Variants in PKNOX2 observed in about 807,000 individuals in gnomAD.
PKNOX2 encodes the protein PBX/knotted 1 homeobox 2.
PKNOX2 carries 14 observed loss-of-function variants against 53.1 expected under a neutral mutation model. The observed-to-expected ratio is 0.26, with a 90% CI of 0.17 to 0.41. The LOEUF is 0.41. Among genes scored for constraint, PKNOX2 ranks in the 10% least tolerant of loss-of-function variants. The probability of loss-of-function intolerance (pLI) is 1.00; values close to 1 mark genes in which losing one functional copy is unlikely to be tolerated. For synonymous variants in PKNOX2, 257 were observed against 242.8 expected (o/e 1.06, Z -0.54); for missense variants, 496 against 602.8 (o/e 0.82, Z 1.85).
intron 2 of PKNOX2, among the ~76,000 whole-genome samples, chr11:125,242,196 G>A (rs1943206884): frequency 1.3e-5 from 2 of 152,188 alleles, no homozygotes; most frequent in Admixed American, 6.5e-5. Context: ...ATGTGAGGTG[G>A]GTACTATTTT....
intron 5 of PKNOX2, among the ~76,000 whole-genome samples, chr11:125,383,284 T>C (rs1392597381): frequency 6.6e-6 from 1 of 152,070 alleles, no homozygotes; most frequent in Non-Finnish European, 1.5e-5. Flanking sequence ...CACGGTGTGC[T>C]GGAGGGGAGA....
intron 6 of PKNOX2, among the ~76,000 whole-genome samples, chr11:125,387,035 C>T (rs546456728): frequency 2.0e-5 from 3 of 152,316 alleles, no homozygotes; most frequent in East Asian, 3.9e-4. Context: ...GCATCCGTTT[C>T]CCTGGCTGGG....
intron 1 of PKNOX2, among the ~76,000 whole-genome samples, chr11:125,214,301 G>C (rs986553789): frequency 6.6e-6 from 1 of 151,946 alleles, no homozygotes; most frequent in Non-Finnish European, 1.5e-5. Context: ...TTCCCAGTTT[G>C]TTCCTCAGAG....
chr11:125,348,726 A>G (rs1251311543), intron 3 of PKNOX2, among the ~76,000 whole-genome samples: 1 of 152,214 alleles, frequency 6.6e-6, no homozygotes, highest in African/African-American at 2.4e-5. Context: ...TGGACAGTGA[A>G]CAAAAGAATG....
intron 6 of PKNOX2, among the ~76,000 whole-genome samples, chr11:125,396,322 G>GT (rs149315152): frequency 1.2e-3 from 177 of 150,956 alleles, no homozygotes; most frequent in African/African-American, 2.9e-3. Context: ...ATTTTTTCCT[G>GT]TTTTTTTTTA....
intron 2 of PKNOX2, among the ~76,000 whole-genome samples, chr11:125,288,924 T>G (rs1428695428): frequency 6.6e-6 from 1 of 152,252 alleles, no homozygotes; most frequent in African/African-American, 2.4e-5. Flanking sequence ...ACACGCTCTA[T>G]CAGATTCATT....
rs751435911 is a variant in PKNOX2, at chr11:125,425,871, C to T, written c.937-3141C>T. 2.6e-5 allele frequency among the ~76,000 whole-genome samples: 4 copies of T among 151,700 alleles called. No individual in the cohort carries two copies. The South Asian group carries it at 6.3e-4, about 24-fold the overall frequency. On this transcript the variant is annotated intron_variant, in intron 10 of 12. Transcript: ENST00000298282. Reference sequence around the variant, plus strand: ...CACACCTGTCCCCAGAGCTGCTAAACGCTGCTACTTACCCCACAGCCCCAC... The same window carrying T: ...CACACCTGTCCCCAGAGCTGCTAAATGCTGCTACTTACCCCACAGCCCCAC...
rs558187922 is a variant in PKNOX2 at position 125,335,490 on chromosome 11, A to C, written c.-23+3565A>C. Among the ~76,000 whole-genome samples the C allele has an allele frequency of 1.1e-3, 169 of 150,246 alleles. 1 individual carries two copies. The highest frequency in any genetic ancestry group is 3.3e-3 in the African/African-American group (134 of 40,836). ...GACATCCTGTAGTCCTTGGATTCTC[A>C]CTCCCCTCTCTGCTTCCCTCCACGA... On this transcript the variant is annotated intron_variant, in intron 3 of 12. Coordinates refer to ENST00000298282, the MANE Select transcript of PKNOX2 (RefSeq NM_001382323.2).
At chr11:125,373,540 T>C (rs1426958163) in intron 5 of PKNOX2, among the ~76,000 whole-genome samples, 1 of 152,186 alleles carries the variant, frequency 6.6e-6, no homozygotes, top group Non-Finnish European at 1.5e-5. Context: ...ATGTGCTTGG[T>C]AAAGAACCTG....
intron 1 of PKNOX2, among the ~76,000 whole-genome samples, chr11:125,226,443 G>A (rs1367368326): frequency 6.6e-6 from 1 of 152,128 alleles, no homozygotes; most frequent in African/African-American, 2.4e-5. Flanking sequence ...TTCTTGCTCT[G>A]GTACAGCCGC....
intron 3 of PKNOX2, among the ~76,000 whole-genome samples, chr11:125,341,828 G>A (rs755121550): frequency 3.3e-5 from 5 of 152,268 alleles, no homozygotes; most frequent in Non-Finnish European, 7.3e-5. Flanking sequence ...CTGTGTGGCC[G>A]CGCCACGTCC....
chr11:125,344,283 T>C (rs1950855930), intron 3 of PKNOX2, among the ~76,000 whole-genome samples: 1 of 152,050 alleles, frequency 6.6e-6, no homozygotes, highest in African/African-American at 2.4e-5. Flanking sequence ...AACAGTAAAA[T>C]GGTCTTGGGA....
At chr11:125,195,922 C>CACACACAT (rs1555113499) in intron 1 of PKNOX2, among the ~76,000 whole-genome samples, 2 of 141,190 alleles carry the variant, frequency 1.4e-5, no homozygotes, top group Non-Finnish European at 3.1e-5. Flanking sequence ...CACACACACA[C>CACACACAT]AATTCATTGA....
rs1475755010 is a variant in PKNOX2, at chr11:125,410,303, C to T, written c.696C>T (p.Thr232=). The T allele has an allele frequency of 3.7e-6, 6 of 1,613,920 alleles. No individual in the cohort carries two copies. In the African/African-American group the frequency reaches 6.7e-5, roughly 18 times the overall value. The change falls in exon 8 of 13, where the codon ACC becomes ACT. Residue 232 remains threonine (T), a synonymous_variant. Transcript: ENST00000298282. Reference sequence around the variant, plus strand: ...AGCAGGGCAACATCGCCATGACAACCGTCAACTCACAAGTTGTGTCAGGTC... The same window carrying T: ...AGCAGGGCAACATCGCCATGACAACTGTCAACTCACAAGTTGTGTCAGGTC... The part of the protein sequence containing the change: ...ALQQGNIAMT[T]VNSQVVSGGA...
At chr11:125,333,006 G>A (rs978418552) in intron 3 of PKNOX2, among the ~76,000 whole-genome samples, 3 of 152,154 alleles carry the variant, frequency 2.0e-5, no homozygotes, top group African/African-American at 7.2e-5. Context: ...GGAAGCTGAG[G>A]GCAAGGTATC....
At chr11:125,387,972 A>G (rs897634584) in intron 6 of PKNOX2, among the ~76,000 whole-genome samples, 1 of 152,066 alleles carries the variant, frequency 6.6e-6, no homozygotes, top group African/African-American at 2.4e-5. Context: ...TACAAAATTA[A>G]TGAGATGGCA....
intron 10 of PKNOX2, 40 bp from the exon 11 acceptor site, chr11:125,428,972 C>T (rs201614285): frequency 4.5e-6 from 7 of 1,556,914 alleles, no homozygotes; most frequent in African/African-American, 2.7e-5. Context: ...GCCAGATCAG[C>T]ATATGCCCAG....
At chr11:125,297,824 C>T (rs1306732892) in intron 2 of PKNOX2, among the ~76,000 whole-genome samples, 2 of 152,192 alleles carry the variant, frequency 1.3e-5, no homozygotes, top group African/African-American at 2.4e-5. Context: ...AGCGTCATCT[C>T]CTCGCCAGGA....
chr11:125,180,117 G>A (rs560756228), intron 1 of PKNOX2, among the ~76,000 whole-genome samples: 25 of 152,234 alleles, frequency 1.6e-4, no homozygotes, highest in African/African-American at 4.8e-4. Flanking sequence ...CCTTCTGCCC[G>A]GAACATCGTT....
Sources: gnomAD v4.1 joint callset for allele counts (sites outside exome capture counted in the v4.1 genomes callset) on GRCh38, gnomAD v4.1.1 for gene constraint, MANE v1.5 for transcripts, NCBI Gene and HGNC (gene_info 2026-07-23, HGNC 2026-07-21) for gene names.